The following SGCZ variants were observed in gnomAD, a reference collection of about 807,000 sequenced individuals.
SGCZ encodes the protein sarcoglycan zeta, also known as zeta-sarcoglycan.
In SGCZ, 40 loss-of-function variants were observed where a neutral mutation model predicts 41.3. The ratio of observed to expected loss-of-function variants is 0.97; its 90% CI spans 0.75 to 1.26. The LOEUF (loss-of-function observed/expected upper bound fraction) is 1.26, where lower values mean the gene tolerates loss of function less well. SGCZ is among the 50% of genes most tolerant of loss of function. The pLI is 0.00. For synonymous variants in SGCZ, 206 were observed against 137.5 expected (o/e 1.50, Z -3.49); for missense variants, 552 against 369.8 (o/e 1.49, Z -4.04).
chr8:14,662,365 G>A (rs1807781807), intron 1 of SGCZ, among the ~76,000 whole-genome samples: 1 of 152,170 alleles, frequency 6.6e-6, no homozygotes, highest in Admixed American at 6.5e-5. Flanking sequence ...CATGTGAAAT[G>A]GGCAATATTA....
At chr8:14,142,126 T>C (rs541996481) in intron 5 of SGCZ, among the ~76,000 whole-genome samples, 1 of 152,148 alleles carries the variant, frequency 6.6e-6, no homozygotes, top group Admixed American at 6.5e-5. Flanking sequence ...ATGAGAGCAC[T>C]TGGACACAGG....
chr8:14,149,147 A>C (rs1803617979), intron 5 of SGCZ, among the ~76,000 whole-genome samples: 1 of 152,088 alleles, frequency 6.6e-6, no homozygotes, highest in Non-Finnish European at 1.5e-5. Flanking sequence ...GCCAATTTTC[A>C]CCACTGTTAT....
chr8:14,293,208 G>A (rs1469050940), intron 3 of SGCZ, among the ~76,000 whole-genome samples: 8 of 151,924 alleles, frequency 5.3e-5, no homozygotes, highest in South Asian at 4.1e-4. Context: ...CAACATACAC[G>A]TAACAAAGAT....
chr8:14,461,556 G>C (rs1800902228), intron 2 of SGCZ, among the ~76,000 whole-genome samples: 1 of 152,016 alleles, frequency 6.6e-6, no homozygotes, highest in South Asian at 2.1e-4. Flanking sequence ...CCATTAGCTT[G>C]ACATGCACTG....
At chr8:15,171,401 T>C (rs1585636863) in intron 1 of SGCZ, among the ~76,000 whole-genome samples, 1 of 152,162 alleles carries the variant, frequency 6.6e-6, no homozygotes, top group African/African-American at 2.4e-5. Context: ...AGTGTTTTAT[T>C]GCATTTTATT....
At chr8:14,593,506 G>A (rs548586717) in intron 1 of SGCZ, among the ~76,000 whole-genome samples, 1 of 152,206 alleles carries the variant, frequency 6.6e-6, no homozygotes, top group Admixed American at 6.5e-5. Context: ...AAACACACCT[G>A]CTTTCCAAGA....
At chr8:14,499,412 C>G (rs1045851469) in intron 2 of SGCZ, among the ~76,000 whole-genome samples, 1 of 151,902 alleles carries the variant, frequency 6.6e-6, no homozygotes, top group Non-Finnish European at 1.5e-5. Flanking sequence ...CTTTCTTCAT[C>G]TTTTTGGTTT....
intron 2 of SGCZ, among the ~76,000 whole-genome samples, chr8:14,333,782 T>A (rs1183810128): frequency 6.6e-6 from 1 of 152,054 alleles, no homozygotes; most frequent in Admixed American, 6.6e-5. Flanking sequence ...AATACAGGGA[T>A]GAATTATTCA....
Position 14,090,587 on chromosome 8 carries a change from G to A in SGCZ, c.795C>T (p.Ser265=). Residue 265 remains serine, a synonymous_variant, in exon 8 of 8, where the codon TCC becomes TCT. Coordinates refer to ENST00000382080, the MANE Select transcript of SGCZ (RefSeq NM_139167.4). ...TIKLGNLPTG[S]FSSSSPSSSS... ...AGGAGCTGGGTGAAGAAGATGAGAA[G>A]GAGCCAGTTGGTAGATTTCCCAGCT... The A allele has an allele frequency of 6.2e-7, 1 of 1,612,686 alleles. No individual in the cohort carries two copies. Among genetic ancestry groups the A allele is most frequent in the African/African-American group, 1.3e-5 (1 of 74,910 alleles).
chr8:15,111,487 G>C (rs57540415), intron 1 of SGCZ, among the ~76,000 whole-genome samples: 2 of 151,868 alleles, frequency 1.3e-5, no homozygotes, highest in African/African-American at 2.4e-5. Context: ...ACACATTTAG[G>C]GGGTAGCCAA....
chr8:14,940,701 AAAAC>A (rs947471238), intron 1 of SGCZ, among the ~76,000 whole-genome samples: 1 of 152,066 alleles, frequency 6.6e-6, no homozygotes, highest in Non-Finnish European at 1.5e-5. Flanking sequence ...GGTAAAGGAA[AAAAC>A]AACAACAGGT....
chr8:14,405,241 C>A (rs1209982317), intron 2 of SGCZ, among the ~76,000 whole-genome samples: 1 of 152,138 alleles, frequency 6.6e-6, no homozygotes, highest in African/African-American at 2.4e-5. Context: ...ATTTTTATGA[C>A]TGGAAGGCAA....
intron 1 of SGCZ, among the ~76,000 whole-genome samples, chr8:14,814,635 G>A (rs182408637): frequency 7.2e-5 from 11 of 152,244 alleles, no homozygotes; most frequent in Admixed American, 6.5e-4. Flanking sequence ...CAGAGAAGAT[G>A]GGAGGACGCA....
intron 1 of SGCZ, among the ~76,000 whole-genome samples, chr8:14,671,003 C>A (rs113546397): frequency 2.0e-5 from 3 of 152,210 alleles, no homozygotes; most frequent in African/African-American, 7.2e-5. Context: ...ACCCATGTTT[C>A]TAGCTCTCAA....
At chr8:14,953,729 C>A (rs1360853540) in intron 1 of SGCZ, among the ~76,000 whole-genome samples, 1 of 152,100 alleles carries the variant, frequency 6.6e-6, no homozygotes, top group Non-Finnish European at 1.5e-5. Context: ...AATGACGCCT[C>A]TAGCATGATG....
At chr8:15,059,010 T>A (rs901365224) in intron 1 of SGCZ, among the ~76,000 whole-genome samples, 1 of 152,150 alleles carries the variant, frequency 6.6e-6, no homozygotes, top group African/African-American at 2.4e-5. Context: ...TGGGTCACAT[T>A]TTTTATGTTT....
chr8:14,460,611 A>G (rs987332474), intron 2 of SGCZ, among the ~76,000 whole-genome samples: 6 of 152,118 alleles, frequency 3.9e-5, no homozygotes, highest in Non-Finnish European at 7.4e-5. Context: ...CTAAAGACCA[A>G]TTGAGTAATC....
intron 4 of SGCZ, among the ~76,000 whole-genome samples, chr8:14,195,716 G>C (rs1563179291): frequency 6.6e-6 from 1 of 152,032 alleles, no homozygotes; most frequent in Non-Finnish European, 1.5e-5. Flanking sequence ...ATTAATACTG[G>C]AAAAAATGCA....
chr8:14,790,666 C>A (rs1800921150), intron 1 of SGCZ, among the ~76,000 whole-genome samples: 1 of 152,012 alleles, frequency 6.6e-6, no homozygotes, highest in Non-Finnish European at 1.5e-5. Flanking sequence ...TTCCAGTAGA[C>A]AAACTGGAAG....
Sources: allele counts gnomAD v4.1 joint callset (sites outside exome capture counted in the v4.1 genomes callset), GRCh38; gene constraint gnomAD v4.1.1; transcripts MANE v1.5; gene names NCBI Gene and HGNC (gene_info 2026-07-23, HGNC 2026-07-21).